Variants in FAXC observed in about 807,000 individuals in gnomAD.
FAXC encodes failed axon connections homolog, metaxin like GST domain containing, also known as failed axon connections homolog.
FAXC carries 10 observed loss-of-function variants against 41.9 expected under a neutral mutation model. That is an observed-to-expected ratio of 0.24 (90% CI 0.15 to 0.41). The LOEUF (loss-of-function observed/expected upper bound fraction) is 0.41. Ranked by LOEUF, FAXC falls within the 10% of genes least tolerant of loss-of-function variation. The pLI, the probability that FAXC is intolerant of heterozygous loss-of-function variation, is 1.00. For synonymous variants in FAXC, 183 were observed against 183.8 expected, an observed-to-expected ratio of 1.00 and a Z score of 0.03; for missense variants, 399 against 510.9, an observed-to-expected ratio of 0.78 and a Z score of 2.11.
At chr6:99,328,709 G>T (rs1772918280) in intron 3 of FAXC, among the ~76,000 whole-genome samples, 4 of 152,068 alleles carry the variant, frequency 2.6e-5, no homozygotes, top group Admixed American at 2.0e-4. Flanking sequence ...CCTCTGCAAA[G>T]CCTTCCCCCC....
At chr6:99,334,300 T>C (rs1286312627) in intron 2 of FAXC, among the ~76,000 whole-genome samples, 1 of 152,190 alleles carries the variant, frequency 6.6e-6, no homozygotes, top group Admixed American at 6.5e-5. Context: ...AAAAGGGTAA[T>C]AACTATTGGG....
rs768667416 is a variant in FAXC at position 99,295,559 on chromosome 6, AC to A, written c.824-3740del. Reference sequence around the variant, plus strand: ...TGCCTAACTGCCTTCAAACTGGGACACTGGTCCCTCCTAGGTCTCCAGCTTG... The same window carrying A: ...TGCCTAACTGCCTTCAAACTGGGACATGGTCCCTCCTAGGTCTCCAGCTTG... On this transcript the variant is annotated intron_variant, in intron 4 of 5. Coordinates refer to ENST00000389677, the MANE Select transcript of FAXC (RefSeq NM_032511.4). Among the ~76,000 whole-genome samples, 7 of 152,320 alleles carry A rather than the reference AC, an allele frequency of 4.6e-5. No individual in the cohort carries two copies. The South Asian group carries it at 6.2e-4, about 14-fold the overall frequency.
At chr6:99,288,343 T>C (rs55871223) in intron 5 of FAXC, among the ~76,000 whole-genome samples, 16,389 of 151,924 alleles carry the variant, frequency 0.11, 1,170 homozygotes, top group East Asian at 0.31. Flanking sequence ...TACAAGTGAG[T>C]GTGTGGGGGG....
In FAXC at chr6:99,323,676, G is replaced by T; in HGVS notation, c.600-9C>A. ...GGCAATAAGCTAATGTCCTGGAATT[G>T]TGTGGAAACAAGTTACTACTGTGCA... On this transcript the variant is annotated splice_polypyrimidine_tract_variant and intron_variant, in intron 3 of 5. Transcript: ENST00000389677. The T allele has an allele frequency of 6.2e-7, 1 of 1,608,654 alleles. No individual in the cohort carries two copies.
At chr6:99,332,437 T>C (rs1032036136) in intron 3 of FAXC, among the ~76,000 whole-genome samples, 2 of 152,210 alleles carry the variant, frequency 1.3e-5, no homozygotes, top group Admixed American at 6.5e-5. Context: ...CAAGAGAAAC[T>C]TTCTCTATCT....
At chr6:99,312,832 C>T (rs1218441903) in intron 4 of FAXC, among the ~76,000 whole-genome samples, 5 of 152,146 alleles carry the variant, frequency 3.3e-5, no homozygotes, top group Non-Finnish European at 7.4e-5. Flanking sequence ...TTTGAAACTA[C>T]TAAAACTACA....
At chr6:99,346,570 T>TC (rs1773601878) in intron 1 of FAXC, among the ~76,000 whole-genome samples, 3 of 147,690 alleles carry the variant, frequency 2.0e-5, no homozygotes, top group African/African-American at 7.6e-5. Flanking sequence ...TGTGGGGTTT[T>TC]TTTGTTTGTT....
rs1770519079 is a variant in FAXC, at chr6:99,274,225, T to C, written c.*6939A>G. 6.6e-6 allele frequency: 1 copy of C among 152,152 alleles called. No individual in the cohort carries two copies. The highest frequency in any genetic ancestry group is 2.4e-5 in the African/African-American group (1 of 41,434). The allele number at this position is 152,152 out of a possible 1,614,324, so 9.4% of individuals were successfully genotyped here. A position where few individuals can be genotyped will look rare whatever the true frequency, so the allele number is the denominator to read the frequency against. Reference sequence around the variant, plus strand: ...GGAATGGGGGACATGAGCATAGAAATTAAGATAAAGATAAATGTTACTTCA... The same window carrying C: ...GGAATGGGGGACATGAGCATAGAAACTAAGATAAAGATAAATGTTACTTCA... On this transcript the variant is annotated 3_prime_UTR_variant, in exon 6 of 6. Transcript: ENST00000389677.
chr6:99,344,273 C>T lies in FAXC; in HGVS notation c.267-1240G>A, dbSNP rs191649536. Among the ~76,000 whole-genome samples, 417 of 152,256 alleles carry T rather than the reference C, an allele frequency of 2.7e-3. 3 individuals are homozygous for T. Among genetic ancestry groups the T allele is most frequent in the Admixed American group, 4.2e-3 (65 of 15,302 alleles). On this transcript the variant is annotated intron_variant, in intron 1 of 5. Coordinates refer to ENST00000389677, the MANE Select transcript of FAXC (RefSeq NM_032511.4). ...TGCAAGCTCATCATTCCACACAGCCCCACTCATACCCCACTCCTCGGGACC... is the reference window on the plus strand; with the variant it reads ...TGCAAGCTCATCATTCCACACAGCCTCACTCATACCCCACTCCTCGGGACC...
At chr6:99,349,855 C>G (rs544961416), upstream of FAXC, among the ~76,000 whole-genome samples, 90 of 152,132 alleles carry the variant, frequency 5.9e-4, no homozygotes, top group Admixed American at 6.5e-4. Context: ...AACCGCTCGC[C>G]GCGCGCGGGC....
At chr6:99,320,151 T>C (rs990410427) in intron 4 of FAXC, among the ~76,000 whole-genome samples, 5 of 152,308 alleles carry the variant, frequency 3.3e-5, no homozygotes, top group African/African-American at 1.2e-4. Flanking sequence ...CTTAATATAA[T>C]ACCCTTCCAT....
rs1770522887 is a variant in FAXC at position 99,274,296 on chromosome 6, C to T, written c.*6868G>A. 6.6e-6 allele frequency: 1 copy of T among 152,182 alleles called. No homozygotes were observed. Among genetic ancestry groups the T allele is most frequent in the African/African-American group, 2.4e-5 (1 of 41,450 alleles). 9.4% of individuals were successfully genotyped at this position (152,182 alleles called of 1,614,324 possible). On this transcript the variant is annotated 3_prime_UTR_variant, in exon 6 of 6. Transcript: ENST00000389677. ...TATATCCATAGACAATCCTTCCCTA[C>T]ATAGATTGCACTTGTTTTTGATTTA... is the stretch of plus-strand genomic sequence containing the variant.
At chr6:99,347,380 C>T (rs1473322183) in intron 1 of FAXC, among the ~76,000 whole-genome samples, 4 of 142,662 alleles carry the variant, frequency 2.8e-5, no homozygotes, top group African/African-American at 7.9e-5. Context: ...CCAACATGGG[C>T]GACAAAGCGA....
At chr6:99,337,417 A>G (rs1158063406) in intron 2 of FAXC, among the ~76,000 whole-genome samples, 1 of 152,240 alleles carries the variant, frequency 6.6e-6, no homozygotes, top group African/African-American at 2.4e-5. Flanking sequence ...TTCTTATACA[A>G]CTACTTATAT....
At chr6:99,290,655 T>C (rs938767336) in intron 5 of FAXC, among the ~76,000 whole-genome samples, 1 of 150,400 alleles carries the variant, frequency 6.6e-6, no homozygotes, top group Non-Finnish European at 1.5e-5. Flanking sequence ...TGAGCCAAGA[T>C]TGCACCACTG....
chr6:99,273,785 T>C lies in FAXC; in HGVS notation c.*7379A>G. ...TCCTTGTCCCATTCTCTAAACTCCA[T>C]TGAGGACCAGAAAATATACTTTTAA... On this transcript the variant is annotated 3_prime_UTR_variant, in exon 6 of 6. Transcript: ENST00000389677. 1 of 152,066 alleles carries C rather than the reference T, an allele frequency of 6.6e-6. No homozygotes were observed. Among genetic ancestry groups the C allele is most frequent in the Non-Finnish European group, 1.5e-5 (1 of 68,016 alleles). The allele number at this position is 152,066 out of a possible 1,614,324, so 9.4% of individuals were successfully genotyped here.
At chr6:99,317,199 A>G (rs911603201) in intron 4 of FAXC, among the ~76,000 whole-genome samples, 3 of 152,050 alleles carry the variant, frequency 2.0e-5, no homozygotes, top group Non-Finnish European at 4.4e-5. Context: ...ACTTCCACTT[A>G]CAAATTCCAT....
chr6:99,290,572 C>T (rs1342509397), intron 5 of FAXC, among the ~76,000 whole-genome samples: 2 of 151,546 alleles, frequency 1.3e-5, no homozygotes, highest in African/African-American at 4.8e-5. Context: ...CATGGTGTTG[C>T]ACTCCTGTAA....
chr6:99,334,291 A>G (rs1276014823), intron 2 of FAXC, among the ~76,000 whole-genome samples: 2 of 152,164 alleles, frequency 1.3e-5, no homozygotes, highest in African/African-American at 4.8e-5. Context: ...CTAACCTCAA[A>G]AAGGGTAATA....
Sources: allele counts gnomAD v4.1 joint callset (sites outside exome capture counted in the v4.1 genomes callset), GRCh38; gene constraint gnomAD v4.1.1; transcripts MANE v1.5; gene names NCBI Gene and HGNC (gene_info 2026-07-23, HGNC 2026-07-21).